Variants in TNS3 observed in about 807,000 individuals in gnomAD.
TNS3 encodes the protein tensin-3.
In TNS3, 45 loss-of-function variants were observed where a neutral mutation model predicts 140.9. That is an observed-to-expected ratio of 0.32 (90% CI 0.25 to 0.41). The LOEUF is 0.41. Among genes scored for constraint, TNS3 ranks in the 10% least tolerant of loss-of-function variants. The probability of loss-of-function intolerance (pLI) is 1.00; values close to 1 mark genes in which losing one functional copy is unlikely to be tolerated. For missense variants in TNS3, 1,716 were observed against 1,906.7 expected, an observed-to-expected ratio of 0.90 and a Z score of 1.86; for synonymous variants, 815 against 788.4, an observed-to-expected ratio of 1.03 and a Z score of -0.56.
chr7:47,284,896 G>A (rs940235880), intron 27 of TNS3, among the ~76,000 whole-genome samples: 5 of 152,240 alleles, frequency 3.3e-5, no homozygotes, highest in African/African-American at 1.2e-4. Context: ...GTGTCCTCCT[G>A]GGGTAGGCAG....
intron 1 of TNS3, among the ~76,000 whole-genome samples, chr7:47,559,836 A>G (rs1800286746): frequency 6.6e-6 from 1 of 152,206 alleles, no homozygotes; most frequent in African/African-American, 2.4e-5. Flanking sequence ...CTGCTGTAGC[A>G]TAGGACAAGG....
rs562544713 is a variant in TNS3 at position 47,449,356 on chromosome 7, C to T, written c.-75-7301G>A. On this transcript the variant is annotated intron_variant, in intron 4 of 30. Coordinates refer to ENST00000311160, the MANE Select transcript of TNS3 (RefSeq NM_022748.12). ...GTCCTCAGAGCCCTGGGTGAGCCAG[C>T]CCCTGCCTCCTCATGTGCCTCCCTC... Among the ~76,000 whole-genome samples the T allele has an allele frequency of 1.3e-4, 20 of 152,324 alleles. 1 individual carries two copies. In the South Asian group the frequency reaches 2.1e-3, roughly 16 times the overall value.
chr7:47,520,608 G>A (rs1051347761), intron 2 of TNS3, among the ~76,000 whole-genome samples: 1 of 152,210 alleles, frequency 6.6e-6, no homozygotes, highest in Non-Finnish European at 1.5e-5. Context: ...AGTAAAGTCC[G>A]TGTGGAGGCG....
At chr7:47,578,561 G>C (rs193142089) in intron 1 of TNS3, among the ~76,000 whole-genome samples, 6 of 135,186 alleles carry the variant, frequency 4.4e-5, no homozygotes, top group Admixed American at 6.9e-5. Context: ...CAGGGGGTTG[G>C]GGGGGGGCGG....
chr7:47,479,891 G>T (rs1471225449), intron 4 of TNS3, among the ~76,000 whole-genome samples: 2 of 152,136 alleles, frequency 1.3e-5, no homozygotes, highest in African/African-American at 4.8e-5. Context: ...GCTCAGGTGG[G>T]CAGGGGGCGA....
At chr7:47,544,794 T>A (rs896669692) in intron 1 of TNS3, among the ~76,000 whole-genome samples, 11 of 152,060 alleles carry the variant, frequency 7.2e-5, no homozygotes, top group African/African-American at 2.7e-4. Context: ...TCCTGTCAAA[T>A]GAGCTGCCCC....
chr7:47,524,785 G>A (rs1375967086), intron 2 of TNS3, among the ~76,000 whole-genome samples: 2 of 130,274 alleles, frequency 1.5e-5, no homozygotes, highest in Admixed American at 1.6e-4. Flanking sequence ...GTCCGGCCTG[G>A]GCGACAGAGC....
chr7:47,433,257 C>T (rs1795011906), intron 8 of TNS3, among the ~76,000 whole-genome samples: 1 of 152,230 alleles, frequency 6.6e-6, no homozygotes, highest in South Asian at 2.1e-4. Context: ...GATTTCACCC[C>T]CGCAGTGATG....
At chr7:47,490,860 C>T (rs181419206) in intron 3 of TNS3, among the ~76,000 whole-genome samples, 2 of 152,216 alleles carry the variant, frequency 1.3e-5, no homozygotes, top group Non-Finnish European at 2.9e-5. Context: ...CAACAGAGAA[C>T]AGAAATAGTG....
At chr7:47,515,110 A>G (rs1798736443) in intron 2 of TNS3, among the ~76,000 whole-genome samples, 1 of 152,206 alleles carries the variant, frequency 6.6e-6, no homozygotes, top group Non-Finnish European at 1.5e-5. Context: ...TTAAAGTTCC[A>G]AGAGTAGAGA....
At chr7:47,339,977 A>ATATG (rs1788863718) in intron 20 of TNS3, among the ~76,000 whole-genome samples, 1 of 144,668 alleles carries the variant, frequency 6.9e-6, no homozygotes, top group Non-Finnish European at 1.5e-5. Flanking sequence ...ATATATATAT[A>ATATG]TATGTATACA....
Position 47,280,096 on chromosome 7 carries a change from G to A in TNS3, c.4193+68C>T. The A allele has an allele frequency of 1.9e-6, 3 of 1,588,940 alleles. No individual in the cohort carries two copies. The South Asian group carries it at 3.4e-5, about 18-fold the overall frequency. On this transcript the variant is annotated intron_variant, in intron 30 of 30. Coordinates refer to ENST00000311160, the MANE Select transcript of TNS3 (RefSeq NM_022748.12). ...ATAAGGCACCCCCTGTGCAAATCTG[G>A]AAGAGAATTCAACTTTGGAGTACAA...
At chr7:47,298,802 T>C (rs1786206630) in intron 23 of TNS3, among the ~76,000 whole-genome samples, 1 of 152,252 alleles carries the variant, frequency 6.6e-6, no homozygotes, top group African/African-American at 2.4e-5. Context: ...TGGTTTCTTT[T>C]ACACATTTTT....
chr7:47,532,168 G>A (rs1410377546), intron 1 of TNS3, among the ~76,000 whole-genome samples: 1 of 152,176 alleles, frequency 6.6e-6, no homozygotes, highest in African/African-American at 2.4e-5. Context: ...CGGGATTGGG[G>A]ACAAGTACCA....
intron 4 of TNS3, among the ~76,000 whole-genome samples, chr7:47,451,786 C>A (rs554621097): frequency 2.0e-5 from 3 of 152,306 alleles, no homozygotes; most frequent in Admixed American, 6.5e-5. Flanking sequence ...AATGTAAAAT[C>A]TTTTTCAAAG....
chr7:47,487,987 C>T (rs1292462462), intron 3 of TNS3, among the ~76,000 whole-genome samples: 1 of 152,248 alleles, frequency 6.6e-6, no homozygotes, highest in African/African-American at 2.4e-5. Context: ...TGCTGACCAC[C>T]AGGACCTTAC....
chr7:47,470,865 C>G (rs964095102), intron 4 of TNS3, among the ~76,000 whole-genome samples: 3 of 152,312 alleles, frequency 2.0e-5, no homozygotes, highest in Admixed American at 1.3e-4. Flanking sequence ...GGAACAGTAT[C>G]CAACCCACCA....
chr7:47,417,280 C>T (rs570862042), intron 10 of TNS3, among the ~76,000 whole-genome samples: 66 of 152,380 alleles, frequency 4.3e-4, no homozygotes, highest in Admixed American at 4.6e-4. Flanking sequence ...TTGTACCATA[C>T]TGTGGTCACA....
At chr7:47,337,444 A>C (rs570583149) in intron 20 of TNS3, among the ~76,000 whole-genome samples, 7 of 152,248 alleles carry the variant, frequency 4.6e-5, no homozygotes, top group Non-Finnish European at 7.3e-5. Context: ...TACTAACTGC[A>C]TACTAATTAA....
Sources: gnomAD v4.1 joint callset for allele counts (sites outside exome capture counted in the v4.1 genomes callset) on GRCh38, gnomAD v4.1.1 for gene constraint, MANE v1.5 for transcripts, NCBI Gene and HGNC (gene_info 2026-07-23, HGNC 2026-07-21) for gene names.